CDH12: variants seen among roughly 807,000 people sequenced by gnomAD.
The protein encoded by CDH12 is cadherin-12.
A neutral mutation model predicts 74.1 loss-of-function variants in CDH12; 41 were observed. The observed-to-expected ratio is 0.55, with a 90% CI of 0.43 to 0.72. CDH12 has a LOEUF of 0.72. Ranked by LOEUF, CDH12 falls within the 30% of genes least tolerant of loss-of-function variation. The pLI is 0.00. For synonymous variants in CDH12, 399 were observed against 355.0 expected, an observed-to-expected ratio of 1.12 and a Z score of -1.39; for missense variants, 945 against 977.2, an observed-to-expected ratio of 0.97 and a Z score of 0.44.
chr5:21,842,248 C>T lies in CDH12; in HGVS notation c.727G>A (p.Gly243Arg), dbSNP rs1460479963. The T allele has an allele frequency of 5.6e-6, 9 of 1,613,192 alleles. No individual in the cohort carries two copies. The highest frequency in any genetic ancestry group is 7.6e-6 in the Non-Finnish European group (9 of 1,179,372). Residue 243 changes from glycine to arginine, a missense_variant, in exon 8 of 15, where the codon GGA becomes AGA. By Grantham distance (125) the Gly-to-Arg change is moderately radical. Around this residue, in one of 3 missense-constraint regions of CDH12, gnomAD observed 791 missense variants for 792.8 expected, o/e 1.00. Coordinates refer to ENST00000382254, the MANE Select transcript of CDH12 (RefSeq NM_004061.5). ...YQVLIQAKDM[G>R]GQLGGLAGTT... ...CCGGCTAATCCTCCAAGCTGTCCTCCCATATCCTTGGCTTGGATGAGTACT... is the reference window on the plus strand; with the variant it reads ...CCGGCTAATCCTCCAAGCTGTCCTCTCATATCCTTGGCTTGGATGAGTACT...
At position 21,765,086 on chromosome 5, in the gene CDH12, C is replaced by A; in HGVS notation, c.1407G>T (p.Leu469Phe). ...IIASKVSNPL[L>F]TSKVNILINV... is the part of the protein sequence containing the mutation. Reference sequence around the variant, plus strand: ...TAATCAGTATATTGACTTTGCTGGTCAATAAAGGGTTACCTGTTAAAAACA... The same window carrying A: ...TAATCAGTATATTGACTTTGCTGGTAAATAAAGGGTTACCTGTTAAAAACA... The change falls in exon 12 of 15, where the codon TTG becomes TTT. Residue 469 changes from leucine to phenylalanine, a missense_variant. By Grantham distance (22) the Leu-to-Phe change is conservative. This residue lies in a region of CDH12 where 791 missense variants were observed against 792.8 expected (regional missense o/e 1.00). Coordinates refer to ENST00000382254, the MANE Select transcript of CDH12 (RefSeq NM_004061.5). 1 of 1,584,284 alleles carries A rather than the reference C, an allele frequency of 6.3e-7. No homozygotes were observed. Among genetic ancestry groups the A allele is most frequent in the South Asian group, 1.2e-5 (1 of 86,004 alleles).
At chr5:22,164,428 C>G (rs1025063322) in intron 4 of CDH12, among the ~76,000 whole-genome samples, 2 of 152,164 alleles carry the variant, frequency 1.3e-5, no homozygotes, top group African/African-American at 4.8e-5. Context: ...GAATCAGGAG[C>G]ACAGCAGGCA....
chr5:22,646,121 A>T (rs1739420766), intron 1 of CDH12, among the ~76,000 whole-genome samples: 1 of 151,928 alleles, frequency 6.6e-6, no homozygotes, highest in South Asian at 2.1e-4. Flanking sequence ...CTACCAAAAA[A>T]GACACATTTT....
chr5:22,294,729 C>T (rs1292786264), intron 3 of CDH12, among the ~76,000 whole-genome samples: 4 of 152,076 alleles, frequency 2.6e-5, no homozygotes, highest in East Asian at 3.9e-4. Flanking sequence ...ACAAAATGGC[C>T]GTAAGGTTCT....
intron 3 of CDH12, among the ~76,000 whole-genome samples, chr5:22,314,941 CTTTT>C (rs759734847): frequency 5.9e-5 from 4 of 67,770 alleles, no homozygotes; most frequent in African/African-American, 2.0e-4. Context: ...CTGGGTTGGT[CTTTT>C]TTTTTTTTTT....
At chr5:21,948,057 G>T (rs2150097362) in intron 6 of CDH12, among the ~76,000 whole-genome samples, 1 of 152,330 alleles carries the variant, frequency 6.6e-6, no homozygotes, top group East Asian at 1.9e-4. Context: ...AGATTTCACA[G>T]GTTGTATGGA....
At chr5:22,283,465 G>A (rs1355286160) in intron 3 of CDH12, among the ~76,000 whole-genome samples, 2 of 151,576 alleles carry the variant, frequency 1.3e-5, no homozygotes, top group Non-Finnish European at 2.9e-5. Context: ...ATATTCAGTT[G>A]CAACAACATG....
chr5:22,497,793 C>T (rs919942599), intron 2 of CDH12, among the ~76,000 whole-genome samples: 93 of 151,820 alleles, frequency 6.1e-4, no homozygotes, highest in African/African-American at 2.1e-3. Flanking sequence ...CAGACATGTG[C>T]GTCCACACCG....
At chr5:22,368,385 A>C (rs1194733747) in intron 3 of CDH12, among the ~76,000 whole-genome samples, 1 of 152,040 alleles carries the variant, frequency 6.6e-6, no homozygotes, top group African/African-American at 2.4e-5. Context: ...TGCAGCCTCA[A>C]CCTACCAGGC....
intron 2 of CDH12, among the ~76,000 whole-genome samples, chr5:22,498,976 T>C (rs1463538709): frequency 6.9e-6 from 1 of 145,076 alleles, no homozygotes; most frequent in Non-Finnish European, 1.5e-5. Context: ...TGATCTTGGC[T>C]CACTGCAACC....
At chr5:22,821,726 A>G (rs1749710592) in intron 1 of CDH12, among the ~76,000 whole-genome samples, 1 of 151,558 alleles carries the variant, frequency 6.6e-6, no homozygotes, top group Non-Finnish European at 1.5e-5. Context: ...TCAATGAAAT[A>G]AAAGAGGATA....
At chr5:22,805,644 T>G (rs913846408) in intron 1 of CDH12, among the ~76,000 whole-genome samples, 7 of 152,118 alleles carry the variant, frequency 4.6e-5, no homozygotes, top group African/African-American at 1.7e-4. Flanking sequence ...TAAGTTTATT[T>G]TACAAAAGCT....
rs201505061 is a variant in CDH12, at chr5:22,247,677, A to AG, written c.-332-35035_-332-35034insC. Among the ~76,000 whole-genome samples the AG allele has an allele frequency of 9.6e-4, 146 of 151,698 alleles. 2 individuals carry two copies. The East Asian group carries it at 0.016, about 16-fold the overall frequency. On this transcript the variant is annotated intron_variant, in intron 3 of 14. Transcript: ENST00000382254. Reference sequence around the variant, plus strand: ...GCGACAGAGTGAGACTCCGTCAAAAAAAAAGAAAAGAAAAGAAAAGTATTT... The same window carrying AG: ...GCGACAGAGTGAGACTCCGTCAAAAAGAAAAGAAAAGAAAAGAAAAGTATTT...
At chr5:22,730,348 G>A (rs1251127082) in intron 1 of CDH12, among the ~76,000 whole-genome samples, 4 of 151,548 alleles carry the variant, frequency 2.6e-5, no homozygotes, top group African/African-American at 9.7e-5. Context: ...GTTTTGCCCC[G>A]AGATCAGTTT....
intron 2 of CDH12, among the ~76,000 whole-genome samples, chr5:22,482,789 A>C (rs1746434498): frequency 6.6e-6 from 1 of 152,166 alleles, no homozygotes; most frequent in African/African-American, 2.4e-5. Flanking sequence ...CAAGCTAATA[A>C]ATATGATTGT....
intron 1 of CDH12, among the ~76,000 whole-genome samples, chr5:22,740,560 A>G (rs1019868073): frequency 1.3e-5 from 2 of 152,142 alleles, no homozygotes; most frequent in East Asian, 3.8e-4. Flanking sequence ...GTTTCAAGAC[A>G]ACTTATTAGC....
rs542222336 is a variant in CDH12 at position 21,816,624 on chromosome 5, C to CAA, written c.1002+319_1002+320dup. ...TGGGTAACAGAGTGCAACTCCATCTCAAAAAAAAAAAAAAAAAAAAAAAAA... is the reference window on the plus strand; with the variant it reads ...TGGGTAACAGAGTGCAACTCCATCTCAAAAAAAAAAAAAAAAAAAAAAAAAAA... On this transcript the variant is annotated intron_variant, in intron 9 of 14. Coordinates refer to ENST00000382254, the MANE Select transcript of CDH12 (RefSeq NM_004061.5). 3.7e-3 allele frequency among the ~76,000 whole-genome samples: 67 copies of CAA among 17,956 alleles called. 11 individuals carry two copies. Among genetic ancestry groups the CAA allele is most frequent in the African/African-American group, 6.9e-3 (52 of 7,566 alleles). 11.8% of individuals were successfully genotyped at this position (17,956 alleles called of 152,430 possible). A position where few individuals can be genotyped will look rare whatever the true frequency, so the allele number is the denominator to read the frequency against.
At chr5:21,759,555 G>A (rs1250329886) in intron 13 of CDH12, among the ~76,000 whole-genome samples, 2 of 151,892 alleles carry the variant, frequency 1.3e-5, no homozygotes, top group Non-Finnish European at 2.9e-5. Flanking sequence ...AATATTATGA[G>A]GTTGACTTGA....
At chr5:21,850,073 C>A (rs1371586127) in intron 7 of CDH12, among the ~76,000 whole-genome samples, 1 of 151,158 alleles carries the variant, frequency 6.6e-6, no homozygotes, top group Non-Finnish European at 1.5e-5. Flanking sequence ...ATTGTGTGAT[C>A]TTATTTATAT....
Sources: gnomAD v4.1 joint callset for allele counts (sites outside exome capture counted in the v4.1 genomes callset) on GRCh38, gnomAD v4.1.1 for gene constraint, gnomAD v4.1.1 regional missense constraint, MANE v1.5 for transcripts, NCBI Gene and HGNC (gene_info 2026-07-23, HGNC 2026-07-21) for gene names.